Variants in PKHD1 observed in about 807,000 individuals in gnomAD.
The protein encoded by PKHD1 is PKHD1 ciliary IPT domain containing fibrocystin/polyductin.
A neutral mutation model predicts 412.0 loss-of-function variants in PKHD1; 291 were observed. The ratio of observed to expected loss-of-function variants is 0.71; its 90% CI spans 0.64 to 0.78. PKHD1 has a LOEUF of 0.78. Ranked by LOEUF, PKHD1 falls within the 30% of genes least tolerant of loss-of-function variation. The probability of loss-of-function intolerance (pLI) is 0.00; values close to 1 mark genes in which losing one functional copy is unlikely to be tolerated. For synonymous variants in PKHD1, 1,777 were observed against 1,821.5 expected, an observed-to-expected ratio of 0.98 and a Z score of 0.62; for missense variants, 4,825 against 4,950.7, an observed-to-expected ratio of 0.97 and a Z score of 0.76.
intron 50 of PKHD1, among the ~76,000 whole-genome samples, chr6:51,843,850 C>G (rs765313729): frequency 1.3e-5 from 2 of 152,200 alleles, no homozygotes; most frequent in Admixed American, 6.5e-5. Context: ...GAACCAATCT[C>G]CCTAACAGAT....
rs78495753 is a variant in PKHD1 at position 51,698,486 on chromosome 6, G to A, written c.10157-38517C>T. Among the ~76,000 whole-genome samples the A allele has an allele frequency of 5.9e-5, 9 of 152,004 alleles. No homozygotes were observed. The South Asian group carries it at 8.3e-4, about 14-fold the overall frequency. ...AATGCTTTACAAGAAAGAGTTAAAC[G>A]TCCCTCAAAAGCTTCAGATAATTAC... On this transcript the variant is annotated intron_variant, in intron 60 of 66. Transcript: ENST00000371117.
intron 65 of PKHD1, among the ~76,000 whole-genome samples, chr6:51,631,194 T>C (rs1183847145): frequency 6.6e-6 from 1 of 152,140 alleles, no homozygotes; most frequent in African/African-American, 2.4e-5. Flanking sequence ...TTACATGAGA[T>C]AAAAATTTAT....
intron 61 of PKHD1, among the ~76,000 whole-genome samples, chr6:51,652,439 G>A (rs1771125611): frequency 6.6e-6 from 1 of 152,058 alleles, no homozygotes; most frequent in South Asian, 2.1e-4. Flanking sequence ...GTGAAGTTGG[G>A]GTGGAAATCA....
chr6:52,063,593 T>C (rs1809016159), intron 13 of PKHD1, among the ~76,000 whole-genome samples: 1 of 152,024 alleles, frequency 6.6e-6, no homozygotes, highest in South Asian at 2.1e-4. Context: ...TAAACCAGGG[T>C]TTCTCCACCC....
intron 60 of PKHD1, among the ~76,000 whole-genome samples, chr6:51,727,942 T>G (rs533860462): frequency 6.6e-6 from 1 of 152,290 alleles, no homozygotes; most frequent in African/African-American, 2.4e-5. Context: ...TCTATGCCTG[T>G]CTAACAACCT....
At chr6:51,644,248 A>T (rs966584736) in intron 63 of PKHD1, among the ~76,000 whole-genome samples, 1 of 152,180 alleles carries the variant, frequency 6.6e-6, no homozygotes, top group African/African-American at 2.4e-5. Flanking sequence ...AAACAACATC[A>T]AATGATTATT....
chr6:51,713,200 T>C (rs1460534204), intron 60 of PKHD1, among the ~76,000 whole-genome samples: 1 of 152,240 alleles, frequency 6.6e-6, no homozygotes, highest in Non-Finnish European at 1.5e-5. Flanking sequence ...CCAATTCGTA[T>C]TTAACTCATA....
chr6:51,678,783 T>C (rs1776223951), intron 60 of PKHD1, among the ~76,000 whole-genome samples: 1 of 152,130 alleles, frequency 6.6e-6, no homozygotes, highest in African/African-American at 2.4e-5. Context: ...ATCATCACCC[T>C]ACACCTTCTC....
intron 40 of PKHD1, among the ~76,000 whole-genome samples, chr6:51,907,587 G>A (rs1437806273): frequency 2.0e-5 from 3 of 152,098 alleles, no homozygotes; most frequent in Non-Finnish European, 4.4e-5. Flanking sequence ...AAAAAGTACT[G>A]TGCAACATTT....
At chr6:51,627,210 A>G (rs1767362905) in intron 65 of PKHD1, 94 bp from the exon 66 acceptor site, 1 of 1,091,018 alleles carries the variant, frequency 9.2e-7, no homozygotes, top group Non-Finnish European at 1.4e-6. Context: ...CCTTGTCCCA[A>G]AATTATCATA....
chr6:51,678,207 AAAC>A (rs1408551780), intron 60 of PKHD1, among the ~76,000 whole-genome samples: 1 of 152,172 alleles, frequency 6.6e-6, no homozygotes, highest in Non-Finnish European at 1.5e-5. Context: ...TCTAGCTGCA[AAAC>A]ACAGACAAGT....
chr6:51,669,966 A>G (rs954644937), intron 60 of PKHD1, among the ~76,000 whole-genome samples: 2 of 151,400 alleles, frequency 1.3e-5, no homozygotes, highest in African/African-American at 2.4e-5. Context: ...TTTACTTCCA[A>G]CTATGTGGTC....
At position 51,830,975 on chromosome 6, in the gene PKHD1, G is replaced by C. The variant is rs546158152; in HGVS notation, c.8188C>G (p.Pro2730Ala). The C allele has an allele frequency of 1.9e-6, 3 of 1,611,952 alleles. No homozygotes were observed. The highest frequency in any genetic ancestry group is 2.5e-6 in the Non-Finnish European group (3 of 1,178,454). The change falls in exon 52 of 67, where the codon CCT becomes GCT. Residue 2730 changes from proline (P) to alanine (A), a missense_variant. Physicochemically the swap from Pro to Ala is conservative, Grantham distance 27 (BLOSUM62 -1). Coordinates refer to ENST00000371117, the MANE Select transcript of PKHD1 (RefSeq NM_138694.4). ...PPTISASTSAPESALKWSLPE... is the reference protein window; with the variant it reads ...PPTISASTSAAESALKWSLPE... ...AGGGACCATTTTAAAGCTGATTCAG[G>C]GGCAGAGGTAGAAGCTAGAAAATAA...
Position 51,619,437 on chromosome 6 carries a change from G to A in PKHD1, c.11869C>T (p.Arg3957Cys), listed in dbSNP as rs146680689. The change falls in exon 67 of 67, where the codon CGC becomes TGC. Residue 3957 changes from arginine (R) to cysteine (C), a missense_variant. Transcript: ENST00000371117. ...MNGVSRRKVSRHIVREEEAAV... is the reference protein window; with the variant it reads ...MNGVSRRKVSCHIVREEEAAV... The stretch of plus-strand genomic sequence containing the variant: ...GCCTCTTCCTCTCGGACAATGTGGC[G>A]GCTAACTTTCCTTCTGGACACTCCA... 64 of 1,613,654 alleles carry A rather than the reference G, an allele frequency of 4.0e-5. No individual in the cohort carries two copies. In the Middle Eastern group the frequency reaches 4.9e-4, roughly 12 times the overall value.
At chr6:51,702,733 A>G (rs1779593384) in intron 60 of PKHD1, among the ~76,000 whole-genome samples, 2 of 152,006 alleles carry the variant, frequency 1.3e-5, no homozygotes, top group African/African-American at 4.8e-5. Flanking sequence ...ACTTTAAAAT[A>G]TCAAAATTCT....
intron 48 of PKHD1, 44 bp from the exon 49 acceptor site, chr6:51,856,114 T>C (rs1405018609): frequency 5.2e-6 from 6 of 1,145,180 alleles, no homozygotes; most frequent in Non-Finnish European, 7.9e-6. Context: ...GAGAGATTAT[T>C]TGCTCATTCT....
At chr6:51,794,161 C>T (rs145333292) in intron 52 of PKHD1, among the ~76,000 whole-genome samples, 6,017 of 151,852 alleles carry the variant, frequency 0.04, 184 homozygotes, top group Middle Eastern at 0.12. Flanking sequence ...CTCAGCCTCC[C>T]GAGTAGCTGG....
intron 35 of PKHD1, among the ~76,000 whole-genome samples, chr6:51,981,836 CG>C (rs1795366334): frequency 8.4e-6 from 1 of 118,522 alleles, no homozygotes; most frequent in African/African-American, 2.6e-5. Flanking sequence ...AAGTGAGGAG[CG>C]TCTCTGCCCG....
intron 52 of PKHD1, among the ~76,000 whole-genome samples, chr6:51,814,750 G>C (rs1375728226): frequency 6.6e-6 from 1 of 152,154 alleles, no homozygotes; most frequent in South Asian, 2.1e-4. Flanking sequence ...GCTGTGTGGA[G>C]GAGCTTGAAT....
Sources: allele counts gnomAD v4.1 joint callset (sites outside exome capture counted in the v4.1 genomes callset), GRCh38; gene constraint gnomAD v4.1.1; transcripts MANE v1.5; gene names NCBI Gene and HGNC (gene_info 2026-07-23, HGNC 2026-07-21).